Variants in TRIM10 observed in about 807,000 individuals in gnomAD.
The protein encoded by TRIM10 is tripartite motif containing 10.
Under a neutral mutation model 40.0 loss-of-function variants are expected in TRIM10, and 42 were observed. The observed-to-expected ratio is 1.05, with a 90% confidence interval of 0.82 to 1.36. The LOEUF (loss-of-function observed/expected upper bound fraction) is 1.36, where lower values mean the gene tolerates loss of function less well. TRIM10 is among the 40% of genes most tolerant of loss of function. The pLI is 0.00. For missense variants in TRIM10, 601 were observed against 608.3 expected (o/e 0.99, Z 0.13); for synonymous variants, 260 against 239.5 (o/e 1.09, Z -0.79).
chr6:30,163,750 G>T (rs11961941), upstream of TRIM10: 27,245 of 1,612,896 alleles, frequency 0.017, 431 homozygotes, highest in African/African-American at 0.073. Context: ...GTGCGGGGCC[G>T]CTGGAGGATG....
chr6:30,160,398 C>T (rs1379006949), intron 1 of TRIM10, 32 bp downstream of exon 1: 12 of 1,597,132 alleles, frequency 7.5e-6, no homozygotes, highest in Non-Finnish European at 1.0e-5. Flanking sequence ...CAGTCCAGTC[C>T]ACCCTGGGAT....
At position 30,153,642 on chromosome 6, in the gene TRIM10, C is replaced by A; in HGVS notation, c.*327G>T. The A allele has an allele frequency of 6.5e-7, 1 of 1,535,950 alleles. No individual in the cohort carries two copies. The highest frequency in any genetic ancestry group is 8.9e-7 in the Non-Finnish European group (1 of 1,122,048). ...TAAAGTCATACAACTGGTTGACAGG[C>A]TGGTTCAAGAACCCAGGTCTTCTGA... is the stretch of plus-strand genomic sequence containing the variant. On this transcript the variant is annotated 3_prime_UTR_variant, in exon 7 of 7. Transcript: ENST00000449742.
At chr6:30,162,957 A>AATAAATAC (rs1773246958), upstream of TRIM10, among the ~76,000 whole-genome samples, 1 of 151,112 alleles carries the variant, frequency 6.6e-6, no homozygotes, top group East Asian at 1.9e-4. Flanking sequence ...TAAATAAATA[A>AATAAATAC]ATAAATAAAT....
chr6:30,153,928 A>G lies in TRIM10; in HGVS notation c.*41T>C, dbSNP rs773569580. 1.3e-5 allele frequency: 20 copies of G among 1,578,478 alleles called. No homozygotes were observed. The highest frequency in any genetic ancestry group is 2.3e-5 in the South Asian group (2 of 85,800). ...AAGTCCACATGGTACTTGGGTTGAT[A>G]TGAGTCCTGTACTTAGAGGAGAGTA... On this transcript the variant is annotated 3_prime_UTR_variant, in exon 7 of 7. Transcript: ENST00000449742.
chr6:30,161,494 C>T (rs116591166), upstream of TRIM10, among the ~76,000 whole-genome samples: 5,214 of 152,268 alleles, frequency 0.034, 180 homozygotes, highest in South Asian at 0.15. Flanking sequence ...AAACTACTAA[C>T]GGCCAGAATT....
chr6:30,163,572 T>TCTCTC (rs561051318), upstream of TRIM10: 1 of 1,281,442 alleles, frequency 7.8e-7, no homozygotes, highest in African/African-American at 1.5e-5. Context: ...CTCTGTCTCT[T>TCTCTC]AGCCTTGCAG....
upstream of TRIM10, chr6:30,163,979 G>C (rs1229267094): frequency 6.2e-7 from 1 of 1,613,134 alleles, no homozygotes; most frequent in Non-Finnish European, 8.5e-7. Flanking sequence ...GAACGATGCC[G>C]AGTTCCTCTG....
chr6:30,155,621 A>G, intron 6 of TRIM10, 106 bp downstream of exon 6: 1 of 971,124 alleles, frequency 1.0e-6, no homozygotes, highest in East Asian at 2.5e-5. Context: ...GGTGTTTGTT[A>G]TGACTATTGT....
Position 30,160,880 on chromosome 6 carries a change from T to G in TRIM10, c.-22A>C. On this transcript the variant is annotated 5_prime_UTR_variant, in exon 1 of 7. Coordinates refer to ENST00000449742, the MANE Select transcript of TRIM10 (RefSeq NM_006778.4). ...CCATGCTGGTCCTGCTGCTATGGCTTCCTCAAGGCCACTCTCTCTGCTTGG... is the reference window on the plus strand; with the variant it reads ...CCATGCTGGTCCTGCTGCTATGGCTGCCTCAAGGCCACTCTCTCTGCTTGG... 1 of 1,580,482 alleles carries G rather than the reference T, an allele frequency of 6.3e-7. No homozygotes were observed. The highest frequency in any genetic ancestry group is 8.6e-7 in the Non-Finnish European group (1 of 1,166,342).
At position 30,160,895 on chromosome 6, in the gene TRIM10, T is replaced by C; in HGVS notation, c.-37A>G. The C allele has an allele frequency of 6.4e-7, 1 of 1,550,718 alleles. No individual in the cohort carries two copies. Among genetic ancestry groups the C allele is most frequent in the Non-Finnish European group, 8.7e-7 (1 of 1,152,306 alleles). On this transcript the variant is annotated 5_prime_UTR_variant, in exon 1 of 7. Coordinates refer to ENST00000449742, the MANE Select transcript of TRIM10 (RefSeq NM_006778.4). ...TGCTATGGCTTCCTCAAGGCCACTC[T>C]CTCTGCTTGGCCACGGGGGAAGGGC...
At chr6:30,158,688 C>T (rs1215087964) in intron 2 of TRIM10, 59 bp from the exon 3 acceptor site, 2 of 1,351,430 alleles carry the variant, frequency 1.5e-6, no homozygotes, top group South Asian at 1.2e-5. Flanking sequence ...CCCTCTGCTC[C>T]TCTTCCTCCC....
At chr6:30,158,707 AG>A (rs150423865) in intron 2 of TRIM10, 78 bp from the exon 3 acceptor site, 1 of 1,162,570 alleles carries the variant, frequency 8.6e-7, no homozygotes, top group South Asian at 1.3e-5. Context: ...CCCTGTCCCC[AG>A]GTAGATCTGG....
chr6:30,160,925 TCA>T lies in TRIM10; in HGVS notation c.-69_-68del. Reference sequence around the variant, plus strand: ...GCTTGGCCACGGGGGAAGGGCTGGGTCACACACTCACACACCCACACATGCAC... The same window carrying T: ...GCTTGGCCACGGGGGAAGGGCTGGGTCACACTCACACACCCACACATGCAC... On this transcript the variant is annotated 5_prime_UTR_variant, in exon 1 of 7. It removes the in-frame stop codon of an upstream open reading frame in the 5' UTR. Coordinates refer to ENST00000449742, the MANE Select transcript of TRIM10 (RefSeq NM_006778.4). 7.1e-7 allele frequency: 1 copy of T among 1,416,932 alleles called. No homozygotes were observed. Among genetic ancestry groups the T allele is most frequent in the South Asian group, 1.3e-5 (1 of 74,114 alleles). 87.8% of individuals were successfully genotyped at this position (1,416,932 alleles called of 1,614,324 possible).
chr6:30,161,583 T>C (rs1346755991), upstream of TRIM10, among the ~76,000 whole-genome samples: 1 of 151,380 alleles, frequency 6.6e-6, no homozygotes. Flanking sequence ...ACAACTTACA[T>C]TGATACAAGC....
chr6:30,163,381 G>A (rs563764786), upstream of TRIM10: 131 of 497,506 alleles, frequency 2.6e-4, no homozygotes, highest in Non-Finnish European at 4.0e-4. Context: ...GGACCAGAAG[G>A]AGCCAGGAGT....
chr6:30,154,268 C>G lies in TRIM10; in HGVS notation c.1147G>C (p.Val383Leu), dbSNP rs758199472. Residue 383 changes from valine to leucine, a missense_variant, in exon 7 of 7, where the codon GTG (valine) becomes CTG (leucine). Physicochemically the swap from Val to Leu is conservative, Grantham distance 32. Coordinates refer to ENST00000449742, the MANE Select transcript of TRIM10 (RefSeq NM_006778.4). ...LAHGGSCTVG[V>L]VSEDVQRKGE... ...TTCCGCTGCACATCCTCGCTCACCACGCCCACGGTGCAGCTGCCCCCATGG... is the reference window on the plus strand; with the variant it reads ...TTCCGCTGCACATCCTCGCTCACCAGGCCCACGGTGCAGCTGCCCCCATGG... 5 of 1,613,078 alleles carry G rather than the reference C, an allele frequency of 3.1e-6. No individual in the cohort carries two copies. Among genetic ancestry groups the G allele is most frequent in the Non-Finnish European group, 4.2e-6 (5 of 1,180,016 alleles).
chr6:30,160,642 A>G lies in TRIM10; in HGVS notation c.217T>C (p.Trp73Arg). ...PFRPGSFRPN[W>R]QLANVVENIE... is the part of the protein sequence containing the mutation. ...TTCTCCACCACGTTAGCCAGCTGCC[A>G]GTTGGGCCGGAAGCTCCCAGGACGG... Residue 73 changes from tryptophan (W) to arginine (R), a missense_variant, in exon 1 of 7, where the codon TGG (tryptophan) becomes CGG (arginine). By Grantham distance (101) the Trp-to-Arg change is moderately radical (BLOSUM62 -3). Transcript: ENST00000449742. 1 of 1,614,226 alleles carries G rather than the reference A, an allele frequency of 6.2e-7. No individual in the cohort carries two copies. The highest frequency in any genetic ancestry group is 1.1e-5 in the South Asian group (1 of 91,090).
At chr6:30,156,238 A>G (rs9468696) in intron 5 of TRIM10, among the ~76,000 whole-genome samples, 3,586 of 152,332 alleles carry the variant, frequency 0.024, 167 homozygotes, top group African/African-American at 0.082. Context: ...CTTCACTGAC[A>G]GGTCACTGGA....
chr6:30,158,671 T>C, intron 2 of TRIM10, 42 bp from the exon 3 acceptor site: 1 of 1,506,360 alleles, frequency 6.6e-7, no homozygotes. Flanking sequence ...GTTTGCTTCC[T>C]CCTTCTCCCT....
Sources: allele counts gnomAD v4.1 joint callset (sites outside exome capture counted in the v4.1 genomes callset), GRCh38; gene constraint gnomAD v4.1.1; transcripts MANE v1.5; gene names NCBI Gene and HGNC (gene_info 2026-07-23, HGNC 2026-07-21).